DOCK8: variants seen among roughly 807,000 people sequenced by gnomAD.
DOCK8 encodes the protein dedicator of cytokinesis protein 8.
In DOCK8, 141 loss-of-function variants were observed where a neutral mutation model predicts 245.6. The observed-to-expected ratio is 0.57, with a 90% confidence interval of 0.50 to 0.66. The LOEUF is 0.66. Among genes scored for constraint, DOCK8 ranks in the 30% least tolerant of loss-of-function variants. The probability of loss-of-function intolerance (pLI) is 0.00; values close to 1 mark genes in which losing one functional copy is unlikely to be tolerated. For missense variants in DOCK8, 2,965 were observed against 2,603.4 expected, an observed-to-expected ratio of 1.14 and a Z score of -3.02; for synonymous variants, 1,168 against 970.2, an observed-to-expected ratio of 1.20 and a Z score of -3.79.
intron 1 of DOCK8, among the ~76,000 whole-genome samples, chr9:229,897 A>T (rs1025473045): frequency 2.0e-5 from 3 of 151,358 alleles, no homozygotes; most frequent in Non-Finnish European, 4.4e-5. Context: ...TTTATTTTTA[A>T]ATTTAATTTT....
At chr9:213,189 A>G (rs868294485), upstream of DOCK8, 2 of 152,276 alleles carry the variant, frequency 1.3e-5, no homozygotes, top group East Asian at 3.9e-4. Flanking sequence ...ACTTTGTCTT[A>G]TATGCTTAAA....
intron 42 of DOCK8, 99 bp from the exon 43 acceptor site, chr9:443,328 C>T (rs905818622): frequency 8.9e-7 from 1 of 1,119,548 alleles, no homozygotes; most frequent in African/African-American, 1.5e-5. Flanking sequence ...GAACATCATT[C>T]TACCTTGCAC....
intron 1 of DOCK8, among the ~76,000 whole-genome samples, chr9:236,485 T>A (rs2047252810): frequency 6.6e-6 from 1 of 152,116 alleles, no homozygotes; most frequent in Admixed American, 6.6e-5. Context: ...CACTAGTAGT[T>A]TCTACACAGC....
intron 1 of DOCK8, among the ~76,000 whole-genome samples, chr9:245,655 C>A (rs1410398803): frequency 6.6e-6 from 1 of 152,186 alleles, no homozygotes; most frequent in African/African-American, 2.4e-5. Flanking sequence ...CTACTGCCTA[C>A]CATAGGCTGG....
intron 20 of DOCK8, 112 bp downstream of exon 20, chr9:377,323 T>C (rs2053560693): frequency 1.9e-6 from 2 of 1,075,700 alleles, no homozygotes; most frequent in Non-Finnish European, 2.6e-6. Context: ...TCCTTTCCAC[T>C]GATGATGTGT....
Position 360,113 on chromosome 9 carries a change from C to T in DOCK8, c.1680-7905C>T, listed in dbSNP as rs563523854. Among the ~76,000 whole-genome samples the T allele has an allele frequency of 6.5e-4, 99 of 151,920 alleles. 1 individual carries two copies. The highest frequency in any genetic ancestry group is 2.2e-3 in the African/African-American group (90 of 41,442). On this transcript the variant is annotated intron_variant, in intron 14 of 47. Coordinates refer to ENST00000432829, the MANE Select transcript of DOCK8 (RefSeq NM_203447.4). Reference sequence around the variant, plus strand: ...GGCGGATCACTTGAGGTCAGGAGTTCGACACCAGCCTGGCCAACATGGTGA... The same window carrying T: ...GGCGGATCACTTGAGGTCAGGAGTTTGACACCAGCCTGGCCAACATGGTGA...
chr9:282,010 T>G (rs1327172126), intron 2 of DOCK8, among the ~76,000 whole-genome samples: 3 of 152,214 alleles, frequency 2.0e-5, no homozygotes, highest in African/African-American at 7.2e-5. Flanking sequence ...GCTTCAGACC[T>G]CGAGAGTTTA....
At position 452,139 on chromosome 9, in the gene DOCK8, A is replaced by G. The variant is rs79815230; in HGVS notation, c.6068+22A>G. 3,669 of 1,501,588 alleles carry G rather than the reference A, an allele frequency of 2.4e-3. 97 individuals carry two copies. The African/African-American group carries it at 0.044, about 18-fold the overall frequency. The allele number at this position is 1,501,588 out of a possible 1,614,324, so 93.0% of individuals were successfully genotyped here. A position where few individuals can be genotyped will look rare whatever the true frequency, so the allele number is the denominator to read the frequency against. On this transcript the variant is annotated intron_variant, in intron 46 of 47. Transcript: ENST00000432829. ...TGAGGTAAGAAGGAAAATGGCTGGG[A>G]ATTTCAGTAGAGCAGTGGTTCTCAA...
At chr9:374,172 C>A (rs186986414) in intron 18 of DOCK8, among the ~76,000 whole-genome samples, 327 of 152,240 alleles carry the variant, frequency 2.1e-3, no homozygotes, top group Non-Finnish European at 2.9e-3. Flanking sequence ...TTCTTACTTG[C>A]GCTATGCTGT....
At chr9:377,812 A>G (rs1276752821) in intron 20 of DOCK8, among the ~76,000 whole-genome samples, 1 of 152,198 alleles carries the variant, frequency 6.6e-6, no homozygotes, top group Non-Finnish European at 1.5e-5. Flanking sequence ...TCTATTTTAA[A>G]TGCTTACTTT....
rs528079432 is a variant in DOCK8, at chr9:392,550, T to A, written c.2970+1984T>A. On this transcript the variant is annotated intron_variant, in intron 24 of 47. Coordinates refer to ENST00000432829, the MANE Select transcript of DOCK8 (RefSeq NM_203447.4). ...CAGCATTGTGCATTTACCTGTCTTCTCAGGTGACTTCTAAGCCTGTTAATG... is the reference window on the plus strand; with the variant it reads ...CAGCATTGTGCATTTACCTGTCTTCACAGGTGACTTCTAAGCCTGTTAATG... 3.9e-5 allele frequency among the ~76,000 whole-genome samples: 6 copies of A among 152,344 alleles called. No homozygotes were observed. The South Asian group carries it at 8.3e-4, about 21-fold the overall frequency.
At chr9:250,041 A>C (rs1290323166) in intron 1 of DOCK8, among the ~76,000 whole-genome samples, 1 of 152,154 alleles carries the variant, frequency 6.6e-6, no homozygotes, top group Admixed American at 6.6e-5. Flanking sequence ...GCTTTATAGC[A>C]CAGGCTTTGG....
intron 14 of DOCK8, among the ~76,000 whole-genome samples, chr9:342,297 C>CTTTTTTTTTTTTTTTTTTTTTTTTT (rs34071975): frequency 8.0e-6 from 1 of 124,414 alleles, no homozygotes; most frequent in Non-Finnish European, 1.7e-5. Flanking sequence ...TTTCTTTTTT[C>CTTTTTTTTTTTTTTTTTTTTTTTTT]TTTTTTTTTT....
intron 1 of DOCK8, among the ~76,000 whole-genome samples, chr9:232,776 T>G (rs1734558242): frequency 6.6e-6 from 1 of 152,184 alleles, no homozygotes; most frequent in Non-Finnish European, 1.5e-5. Flanking sequence ...GTCTGTTTGA[T>G]TCTTCTCTCT....
chr9:219,070 C>G (rs2046827209), intron 1 of DOCK8, among the ~76,000 whole-genome samples: 1 of 152,190 alleles, frequency 6.6e-6, no homozygotes, highest in Non-Finnish European at 1.5e-5. Context: ...ATGCTGCCAT[C>G]TCAGTTTTAT....
At chr9:332,527 G>T (rs368009504) in intron 10 of DOCK8, 49 bp downstream of exon 10, 1 of 1,386,152 alleles carries the variant, frequency 7.2e-7, no homozygotes. Flanking sequence ...GAAGAAGCAG[G>T]TATTTTCAGA....
At position 338,991 on chromosome 9, in the gene DOCK8, C is replaced by G. The variant is rs892517354; in HGVS notation, c.1423-15C>G. ...AAAGGTGCATCTACATTAACTCTGA[C>G]TTTTCTCTTGGCAGGAAGGAGATCG... On this transcript the variant is annotated splice_polypyrimidine_tract_variant and intron_variant, in intron 12 of 47. Transcript: ENST00000432829. The G allele has an allele frequency of 1.2e-6, 2 of 1,613,188 alleles. No individual in the cohort carries two copies. Among genetic ancestry groups the G allele is most frequent in the Middle Eastern group, 1.6e-4 (1 of 6,078 alleles).
chr9:296,756 G>A lies in DOCK8; in HGVS notation c.404+7175G>A, dbSNP rs150846961. Reference sequence around the variant, plus strand: ...TGCTTTCTAAAAGTATGAAAAGCACGCCCGGCTCATCAGCCTATGTGGTAA... The same window carrying A: ...TGCTTTCTAAAAGTATGAAAAGCACACCCGGCTCATCAGCCTATGTGGTAA... On this transcript the variant is annotated intron_variant, in intron 4 of 47. Coordinates refer to ENST00000432829, the MANE Select transcript of DOCK8 (RefSeq NM_203447.4). Among the ~76,000 whole-genome samples, 389 of 152,244 alleles carry A rather than the reference G, an allele frequency of 2.6e-3. 1 individual carries two copies. The highest frequency in any genetic ancestry group is 4.0e-3 in the Non-Finnish European group (274 of 68,018).
At chr9:234,404 T>C (rs2047198340) in intron 1 of DOCK8, among the ~76,000 whole-genome samples, 1 of 152,192 alleles carries the variant, frequency 6.6e-6, no homozygotes. Context: ...GGAGTATCTT[T>C]GTGGCGTTCT....
Sources: allele counts gnomAD v4.1 joint callset (sites outside exome capture counted in the v4.1 genomes callset), GRCh38; gene constraint gnomAD v4.1.1; transcripts MANE v1.5; gene names NCBI Gene and HGNC (gene_info 2026-07-23, HGNC 2026-07-21).